Variants in CAMK1D observed in about 807,000 individuals in gnomAD.
CAMK1D encodes the protein calcium/calmodulin dependent protein kinase ID.
In CAMK1D, 9 loss-of-function variants were observed where a neutral mutation model predicts 47.7. The observed-to-expected ratio is 0.19, with a 90% CI of 0.11 to 0.33. The LOEUF (loss-of-function observed/expected upper bound fraction) is 0.33, where lower values mean the gene tolerates loss of function less well. Ranked by LOEUF, CAMK1D falls within the 10% of genes least tolerant of loss-of-function variation. The probability of loss-of-function intolerance (pLI) is 1.00; values close to 1 mark genes in which losing one functional copy is unlikely to be tolerated. For synonymous variants in CAMK1D, 184 were observed against 184.9 expected, an observed-to-expected ratio of 0.99 and a Z score of 0.04; for missense variants, 291 against 488.7, an observed-to-expected ratio of 0.60 and a Z score of 3.81.
intron 1 of CAMK1D, among the ~76,000 whole-genome samples, chr10:12,476,816 T>G (rs1833916025): frequency 6.6e-6 from 1 of 152,180 alleles, no homozygotes. Flanking sequence ...CATAAGTCCC[T>G]TCTCAGCAGG....
At chr10:12,431,381 A>G (rs1156630060) in intron 1 of CAMK1D, among the ~76,000 whole-genome samples, 2 of 152,150 alleles carry the variant, frequency 1.3e-5, no homozygotes, top group Non-Finnish European at 2.9e-5. Context: ...CCGGGTGCAC[A>G]GGTGGGTCTG....
chr10:12,585,548 A>G (rs532578378), intron 2 of CAMK1D, among the ~76,000 whole-genome samples: 1 of 152,362 alleles, frequency 6.6e-6, no homozygotes, highest in African/African-American at 2.4e-5. Flanking sequence ...CTACATGGCT[A>G]GAGAGACCTC....
At chr10:12,498,406 T>C (rs1464269163) in intron 1 of CAMK1D, among the ~76,000 whole-genome samples, 2 of 152,202 alleles carry the variant, frequency 1.3e-5, no homozygotes, top group African/African-American at 4.8e-5. Context: ...GGAGAAGACT[T>C]CTGGGTTATC....
At chr10:12,666,881 GA>G in intron 3 of CAMK1D, 71 bp downstream of exon 3, 2 of 1,267,170 alleles carry the variant, frequency 1.6e-6, no homozygotes, top group South Asian at 2.4e-5. Context: ...GATCAGGTGG[GA>G]AAAGAAGTGA....
At chr10:12,673,517 C>A (rs989350490) in intron 3 of CAMK1D, among the ~76,000 whole-genome samples, 1 of 152,008 alleles carries the variant, frequency 6.6e-6, no homozygotes, top group Admixed American at 6.6e-5. Flanking sequence ...CTTACTAGTT[C>A]CAGTGTTGTT....
chr10:12,824,573 A>G lies in CAMK1D; in HGVS notation c.921+21A>G, dbSNP rs1588971885. 1.9e-6 allele frequency: 3 copies of G among 1,595,888 alleles called. No individual in the cohort carries two copies. The East Asian group carries it at 6.7e-5, about 36-fold the overall frequency. On this transcript the variant is annotated intron_variant, in intron 9 of 10. Transcript: ENST00000619168. ...GGAGAGTAAGTGTGGAGTATATGAA[A>G]TTCCCCGTGGATTAACCCCCTCGTG...
At chr10:12,398,297 A>C (rs1839038057) in intron 1 of CAMK1D, among the ~76,000 whole-genome samples, 2 of 152,122 alleles carry the variant, frequency 1.3e-5, no homozygotes, top group African/African-American at 4.8e-5. Flanking sequence ...TATACATTTA[A>C]ATTAAGTTTC....
chr10:12,452,171 G>A (rs1276297950), intron 1 of CAMK1D, among the ~76,000 whole-genome samples: 2 of 152,100 alleles, frequency 1.3e-5, no homozygotes, highest in South Asian at 2.1e-4. Flanking sequence ...TATGGAACCC[G>A]ACAATGACCT....
At chr10:12,492,200 C>T (rs2132122135) in intron 1 of CAMK1D, among the ~76,000 whole-genome samples, 2 of 152,202 alleles carry the variant, frequency 1.3e-5, no homozygotes, top group East Asian at 3.9e-4. Flanking sequence ...GGCCTGGCTC[C>T]TTCCACTCTC....
In CAMK1D at chr10:12,628,832, C is replaced by T. The variant is rs183058757; in HGVS notation, c.225-37904C>T. Among the ~76,000 whole-genome samples, 7 of 152,310 alleles carry T rather than the reference C, an allele frequency of 4.6e-5. No individual in the cohort carries two copies. The East Asian group carries it at 5.8e-4, about 13-fold the overall frequency. ...CTTTGGCTGCCACTGACCTTTTCACCGTCTTCATAGTTTTACCTTTTCTAT... is the reference window on the plus strand; with the variant it reads ...CTTTGGCTGCCACTGACCTTTTCACTGTCTTCATAGTTTTACCTTTTCTAT... On this transcript the variant is annotated intron_variant, in intron 2 of 10. Coordinates refer to ENST00000619168, the MANE Select transcript of CAMK1D (RefSeq NM_153498.4).
intron 3 of CAMK1D, among the ~76,000 whole-genome samples, chr10:12,754,217 T>C (rs752939022): frequency 4.6e-5 from 7 of 152,090 alleles, no homozygotes; most frequent in Non-Finnish European, 8.8e-5. Flanking sequence ...ACAGCTGAGA[T>C]CCACCTCCTC....
At chr10:12,700,445 C>G (rs1000300557) in intron 3 of CAMK1D, among the ~76,000 whole-genome samples, 1 of 152,136 alleles carries the variant, frequency 6.6e-6, no homozygotes, top group East Asian at 1.9e-4. Flanking sequence ...GTAACCGCCC[C>G]CATGATTCAA....
chr10:12,359,477 G>T (rs536565692), intron 1 of CAMK1D, among the ~76,000 whole-genome samples: 93 of 151,468 alleles, frequency 6.1e-4, no homozygotes, highest in African/African-American at 2.0e-3. Context: ...GAGTGACCTA[G>T]TTAGCTGTGT....
chr10:12,408,012 C>G (rs867181920), intron 1 of CAMK1D, among the ~76,000 whole-genome samples: 7 of 152,012 alleles, frequency 4.6e-5, no homozygotes, highest in African/African-American at 1.7e-4. Flanking sequence ...TGTGTCCCAC[C>G]ACGCCCAGCT....
intron 1 of CAMK1D, among the ~76,000 whole-genome samples, chr10:12,443,790 C>T (rs895262186): frequency 2.8e-4 from 43 of 152,108 alleles, no homozygotes; most frequent in Middle Eastern, 3.4e-3. Flanking sequence ...CCACCATGCC[C>T]GGCTAATTTT....
At chr10:12,685,499 A>G (rs1832625254) in intron 3 of CAMK1D, among the ~76,000 whole-genome samples, 1 of 152,166 alleles carries the variant, frequency 6.6e-6, no homozygotes. Flanking sequence ...TAATAGCTAC[A>G]GTATTAAGTT....
chr10:12,807,928 T>C (rs1838809325), intron 6 of CAMK1D, among the ~76,000 whole-genome samples: 1 of 152,214 alleles, frequency 6.6e-6, no homozygotes. Context: ...ATTCAGGGGC[T>C]TCCTTCTACC....
At chr10:12,787,850 A>G (rs1196723935) in intron 5 of CAMK1D, among the ~76,000 whole-genome samples, 1 of 152,144 alleles carries the variant, frequency 6.6e-6, no homozygotes, top group Non-Finnish European at 1.5e-5. Flanking sequence ...AAATACAAAA[A>G]TTAGCCGGGC....
At chr10:12,686,343 T>C (rs1413645910) in intron 3 of CAMK1D, among the ~76,000 whole-genome samples, 1 of 152,106 alleles carries the variant, frequency 6.6e-6, no homozygotes, top group Non-Finnish European at 1.5e-5. Context: ...TTTTTGGAGA[T>C]GGAGTTTCGC....
Sources: gnomAD v4.1 joint callset for allele counts (sites outside exome capture counted in the v4.1 genomes callset) on GRCh38, gnomAD v4.1.1 for gene constraint, MANE v1.5 for transcripts, NCBI Gene and HGNC (gene_info 2026-07-23, HGNC 2026-07-21) for gene names.